The following LINGO2 variants were observed in gnomAD, a reference collection of about 807,000 sequenced individuals.
LINGO2 encodes the protein leucine rich repeat and Ig domain containing 2.
LINGO2 carries 14 observed loss-of-function variants against 30.6 expected under a neutral mutation model. The observed-to-expected ratio is 0.46, with a 90% CI of 0.30 to 0.72. LINGO2 has a LOEUF of 0.72. Among genes scored for constraint, LINGO2 ranks in the 30% least tolerant of loss-of-function variants. LINGO2 has a pLI of 0.07. For missense variants in LINGO2, 729 were observed against 751.7 expected (o/e 0.97, Z 0.35); for synonymous variants, 317 against 288.5 (o/e 1.10, Z -1.00).
intron 2 of LINGO2, among the ~76,000 whole-genome samples, chr9:28,440,363 G>A (rs2135011991): frequency 6.6e-6 from 1 of 152,264 alleles, no homozygotes; most frequent in South Asian, 2.1e-4. Context: ...TCTTTTAAGG[G>A]CAGACACAAG....
At chr9:28,810,286 C>T in the LINGO2 span, among the ~76,000 whole-genome samples, 5 of 152,174 alleles carry the variant, frequency 3.3e-5, no homozygotes, top group East Asian at 9.7e-4. Context: ...TTTATAAAGT[C>T]AGACAAGGAT....
chr9:28,910,681 C>T, the LINGO2 span, among the ~76,000 whole-genome samples: 2 of 152,040 alleles, frequency 1.3e-5, no homozygotes, highest in African/African-American at 4.8e-5. Flanking sequence ...TCACCTTCTA[C>T]CATGATAGTA....
chr9:29,201,698 A>G, the LINGO2 span, among the ~76,000 whole-genome samples: 1 of 152,018 alleles, frequency 6.6e-6, no homozygotes, highest in Non-Finnish European at 1.5e-5. Flanking sequence ...TATTTCATTT[A>G]AGATTATTTT....
chr9:28,031,337 G>C (rs1159901308), intron 4 of LINGO2, among the ~76,000 whole-genome samples: 1 of 148,018 alleles, frequency 6.8e-6, no homozygotes, highest in Admixed American at 6.8e-5. Flanking sequence ...ACCCACTTCA[G>C]TAGAAAAACA....
chr9:28,977,886 G>T, the LINGO2 span, among the ~76,000 whole-genome samples: 1 of 152,128 alleles, frequency 6.6e-6, no homozygotes, highest in African/African-American at 2.4e-5. Context: ...TGATGTGGCT[G>T]TCTTGAAACA....
chr9:28,185,919 G>T (rs1232813498), intron 4 of LINGO2, among the ~76,000 whole-genome samples: 1 of 152,054 alleles, frequency 6.6e-6, no homozygotes, highest in East Asian at 1.9e-4. Flanking sequence ...GGGATAAAAG[G>T]CTTCTGCTTT....
chr9:28,503,860 G>A (rs1372046460), intron 1 of LINGO2, among the ~76,000 whole-genome samples: 2 of 150,214 alleles, frequency 1.3e-5, no homozygotes, highest in African/African-American at 4.9e-5. Flanking sequence ...GATACGGGGG[G>A]AAAAAAAACA....
At chr9:28,709,655 A>G in the LINGO2 span, among the ~76,000 whole-genome samples, 1 of 152,036 alleles carries the variant, frequency 6.6e-6, no homozygotes, top group African/African-American at 2.4e-5. Flanking sequence ...AAAGAATAAT[A>G]CTTCATTTAT....
At chr9:29,104,772 A>T in the LINGO2 span, among the ~76,000 whole-genome samples, 2 of 152,330 alleles carry the variant, frequency 1.3e-5, no homozygotes, top group Non-Finnish European at 2.9e-5. Context: ...AACTTCTATC[A>T]TATGAAATCT....
chr9:28,456,074 T>G (rs1289446844), intron 2 of LINGO2, among the ~76,000 whole-genome samples: 2 of 152,218 alleles, frequency 1.3e-5, no homozygotes, highest in Non-Finnish European at 2.9e-5. Flanking sequence ...AACTAACATT[T>G]TTTAACCTGT....
At chr9:28,840,503 T>C in the LINGO2 span, among the ~76,000 whole-genome samples, 1 of 151,862 alleles carries the variant, frequency 6.6e-6, no homozygotes, top group Non-Finnish European at 1.5e-5. Flanking sequence ...ACTGACTTCA[T>C]TGCTTCTACT....
intron 1 of LINGO2, among the ~76,000 whole-genome samples, chr9:28,663,788 G>A (rs1828680505): frequency 6.6e-6 from 1 of 152,126 alleles, no homozygotes; most frequent in Non-Finnish European, 1.5e-5. Context: ...GTATGCTGAA[G>A]ATGACTGGTG....
At chr9:28,060,286 G>A (rs374250380) in intron 4 of LINGO2, among the ~76,000 whole-genome samples, 93 of 152,186 alleles carry the variant, frequency 6.1e-4, no homozygotes, top group African/African-American at 2.2e-3. Flanking sequence ...TTCTTGCTAA[G>A]CTGAAATTCC....
At chr9:27,967,744 T>G (rs147893673) in intron 5 of LINGO2, among the ~76,000 whole-genome samples, 205 of 152,274 alleles carry the variant, frequency 1.3e-3, no homozygotes, top group African/African-American at 4.8e-3. Flanking sequence ...GAGAAACACA[T>G]CTTGCCATAG....
At chr9:27,950,084 G>A (rs751143419) in exon 6 of LINGO2, 1 of 1,614,018 alleles carries the variant, frequency 6.2e-7, no homozygotes, top group Non-Finnish European at 8.5e-7. Context: ...GGTGGGAGAG[G>A]GCTTCTGTTG....
chr9:29,046,515 T>C, the LINGO2 span, among the ~76,000 whole-genome samples: 1 of 152,134 alleles, frequency 6.6e-6, no homozygotes, highest in South Asian at 2.1e-4. Flanking sequence ...TAATCAATAA[T>C]GGTGTTGGGA....
chr9:28,411,782 C>T (rs1385074668), intron 2 of LINGO2, among the ~76,000 whole-genome samples: 1 of 151,756 alleles, frequency 6.6e-6, no homozygotes, highest in East Asian at 1.9e-4. Context: ...TGGTATGTAC[C>T]CAGAAGGGAT....
chr9:28,907,146 C>G, the LINGO2 span, among the ~76,000 whole-genome samples: 1 of 151,742 alleles, frequency 6.6e-6, no homozygotes, highest in African/African-American at 2.4e-5. Context: ...ATCTGTATAT[C>G]ATGGTAATCA....
the LINGO2 span, among the ~76,000 whole-genome samples, chr9:29,053,311 T>C: frequency 1.6e-4 from 24 of 152,302 alleles, no homozygotes; most frequent in East Asian, 3.3e-3. Context: ...CATATATGGA[T>C]AGTTTCTGTT....
Sources: allele counts gnomAD v4.1 joint callset (sites outside exome capture counted in the v4.1 genomes callset), GRCh38; gene constraint gnomAD v4.1.1; transcripts MANE v1.5; gene names NCBI Gene and HGNC (gene_info 2026-07-23, HGNC 2026-07-21).